The following ARHGEF4 variants were observed in gnomAD, a reference collection of about 807,000 sequenced individuals.
ARHGEF4 encodes the protein Rho guanine nucleotide exchange factor 4.
ARHGEF4 carries 119 observed loss-of-function variants against 162.0 expected under a neutral mutation model. That is an observed-to-expected ratio of 0.73 (90% CI 0.63 to 0.86). The LOEUF (loss-of-function observed/expected upper bound fraction) is 0.86, where lower values mean the gene tolerates loss of function less well. Ranked by LOEUF, ARHGEF4 falls within the 40% of genes least tolerant of loss-of-function variation. The probability of loss-of-function intolerance (pLI) is 0.00; values close to 1 mark genes in which losing one functional copy is unlikely to be tolerated. For synonymous variants in ARHGEF4, 1,014 were observed against 979.9 expected, an observed-to-expected ratio of 1.03 and a Z score of -0.65; for missense variants, 2,488 against 2,456.0, an observed-to-expected ratio of 1.01 and a Z score of -0.28.
chr2:131,007,583 T>A (rs1299669398), intron 4 of ARHGEF4, among the ~76,000 whole-genome samples: 1 of 152,092 alleles, frequency 6.6e-6, no homozygotes, highest in African/African-American at 2.4e-5. Flanking sequence ...TAGAGTTAAA[T>A]TCACCTGAAA....
intron 4 of ARHGEF4, among the ~76,000 whole-genome samples, chr2:130,955,697 A>G (rs148104606): frequency 6.6e-6 from 1 of 152,222 alleles, no homozygotes; most frequent in East Asian, 1.9e-4. Flanking sequence ...CAAGCTATCA[A>G]ATGCTGGCAC....
chr2:130,965,928 T>C (rs948400314), intron 4 of ARHGEF4, among the ~76,000 whole-genome samples: 1 of 152,108 alleles, frequency 6.6e-6, no homozygotes, highest in African/African-American at 2.4e-5. Context: ...GCCTAGGAAG[T>C]TGCTCTTTGA....
intron 1 of ARHGEF4, among the ~76,000 whole-genome samples, chr2:130,885,903 A>G (rs968444789): frequency 1.3e-5 from 2 of 151,942 alleles, no homozygotes; most frequent in Non-Finnish European, 2.9e-5. Flanking sequence ...TAATATACTC[A>G]TAACTTCATG....
intron 5 of ARHGEF4, among the ~76,000 whole-genome samples, chr2:131,034,292 A>G (rs898720935): frequency 1.3e-5 from 2 of 152,310 alleles, no homozygotes; most frequent in African/African-American, 2.4e-5. Context: ...CTTATCTCTC[A>G]GAAGGACACA....
At chr2:130,907,603 C>T (rs1053916377) in intron 1 of ARHGEF4, among the ~76,000 whole-genome samples, 2 of 152,036 alleles carry the variant, frequency 1.3e-5, no homozygotes, top group African/African-American at 2.4e-5. Context: ...TGCTGAAGGA[C>T]ATCTGGGTTG....
intron 4 of ARHGEF4, among the ~76,000 whole-genome samples, chr2:130,999,456 A>C (rs780508918): frequency 2.0e-5 from 3 of 152,018 alleles, no homozygotes; most frequent in Non-Finnish European, 4.4e-5. Context: ...GTGCCCGGCC[A>C]TAATCGAGTT....
chr2:130,864,972 G>A (rs1682164305), intron 1 of ARHGEF4, among the ~76,000 whole-genome samples: 1 of 152,198 alleles, frequency 6.6e-6, no homozygotes, highest in African/African-American at 2.4e-5. Context: ...TCTGGGAGCA[G>A]AGCCAGCCAA....
At position 130,872,680 on chromosome 2, in the gene ARHGEF4, C is replaced by T. The variant is rs1678569011; in HGVS notation, c.39+35688C>T. ...AAAGGAGACTGTTTTCCTGCCAGAT[C>T]CTCAGCAGAGGGAAGAATTTCCCTG... On this transcript the variant is annotated intron_variant, in intron 1 of 13. Transcript: ENST00000409359. 2.0e-5 allele frequency among the ~76,000 whole-genome samples: 3 copies of T among 152,300 alleles called. No homozygotes were observed. In the South Asian group the frequency reaches 6.2e-4, roughly 32 times the overall value.
intron 4 of ARHGEF4, among the ~76,000 whole-genome samples, chr2:131,019,306 G>A (rs998676807): frequency 2.6e-5 from 4 of 152,084 alleles, no homozygotes; most frequent in African/African-American, 9.7e-5. Context: ...CAGCTACCTG[G>A]GAGGCTGAGG....
chr2:130,866,301 T>C (rs1682275981), intron 1 of ARHGEF4, among the ~76,000 whole-genome samples: 1 of 152,186 alleles, frequency 6.6e-6, no homozygotes. Flanking sequence ...GGAGAATTGC[T>C]TGAACCCGGG....
intron 5 of ARHGEF4, among the ~76,000 whole-genome samples, chr2:131,029,425 CAT>C (rs1377147788): frequency 6.6e-6 from 1 of 152,140 alleles, no homozygotes; most frequent in African/African-American, 2.4e-5. Flanking sequence ...AAAAAATAAA[CAT>C]GTAAATAAGC....
intron 8 of ARHGEF4, 101 bp downstream of exon 8, chr2:131,040,541 A>C (rs1177592893): frequency 1.5e-6 from 2 of 1,324,852 alleles, no homozygotes; most frequent in Non-Finnish European, 1.0e-6. Flanking sequence ...AACCTTCCAC[A>C]ACGCCTGGGC....
chr2:130,893,484 C>T (rs917879939), intron 1 of ARHGEF4, among the ~76,000 whole-genome samples: 3 of 152,204 alleles, frequency 2.0e-5, no homozygotes, highest in African/African-American at 7.2e-5. Flanking sequence ...ACTGCCTTGG[C>T]CTGTTTTCCA....
chr2:131,007,484 T>C (rs573880616), intron 4 of ARHGEF4, among the ~76,000 whole-genome samples: 1 of 152,348 alleles, frequency 6.6e-6, no homozygotes, highest in East Asian at 1.9e-4. Context: ...TTCACAGATA[T>C]TATTTTAAAA....
At chr2:130,976,230 G>A (rs1018686995) in intron 4 of ARHGEF4, among the ~76,000 whole-genome samples, 1 of 152,082 alleles carries the variant, frequency 6.6e-6, no homozygotes, top group Admixed American at 6.6e-5. Flanking sequence ...AGGGAAAAGG[G>A]ATCCATGAGT....
rs371055903 is a variant in ARHGEF4 at position 130,923,947 on chromosome 2, C to A, written c.3552+6449C>A. Among the ~76,000 whole-genome samples the A allele has an allele frequency of 6.0e-5, 9 of 149,368 alleles. 1 individual carries two copies. The South Asian group carries it at 1.5e-3, about 25-fold the overall frequency. ...CCAGGCTGGAGTGCAGTGGCACGATCTCGGCTCACTGCAAGCTCCGCCTCC... is the reference window on the plus strand; with the variant it reads ...CCAGGCTGGAGTGCAGTGGCACGATATCGGCTCACTGCAAGCTCCGCCTCC... On this transcript the variant is annotated intron_variant, in intron 2 of 13. Transcript: ENST00000409359.
At chr2:130,905,129 T>C (rs1430281371) in intron 1 of ARHGEF4, among the ~76,000 whole-genome samples, 1 of 152,202 alleles carries the variant, frequency 6.6e-6, no homozygotes, top group East Asian at 1.9e-4. Context: ...ATTTCAATGT[T>C]TTTTAATATT....
intron 1 of ARHGEF4, among the ~76,000 whole-genome samples, chr2:130,912,521 T>C (rs1181001948): frequency 1.3e-5 from 2 of 152,252 alleles, no homozygotes; most frequent in African/African-American, 2.4e-5. Flanking sequence ...TTTCCTTCTC[T>C]CAGTTAAGAA....
rs1304191139 is a variant in ARHGEF4 at position 130,916,299 on chromosome 2, G to A, written c.2353G>A (p.Ala785Thr). 5 of 1,540,464 alleles carry A rather than the reference G, an allele frequency of 3.2e-6. No individual in the cohort carries two copies. The highest frequency in any genetic ancestry group is 4.4e-6 in the Non-Finnish European group (5 of 1,144,128). The change falls in exon 2 of 14, where the codon GCG (alanine) becomes ACG (threonine). Residue 785 changes from alanine to threonine, a missense_variant. By Grantham distance (58) the Ala-to-Thr change is moderately conservative. Around this residue, in one of 6 missense-constraint regions of ARHGEF4, gnomAD observed 1,642 missense variants for 1,481.5 expected, o/e 1.11. Transcript: ENST00000409359. ...PQPPRGLRKG[A>T]QEPGKRPTFS... The stretch of plus-strand genomic sequence containing the variant: ...GCCGCCACGCGGGCTCCGCAAGGGC[G>A]CGCAGGAGCCTGGGAAGCGCCCGAC...
Sources: gnomAD v4.1 joint callset for allele counts (sites outside exome capture counted in the v4.1 genomes callset) on GRCh38, gnomAD v4.1.1 for gene constraint, gnomAD v4.1.1 regional missense constraint, MANE v1.5 for transcripts, NCBI Gene and HGNC (gene_info 2026-07-23, HGNC 2026-07-21) for gene names.